The following GANC variants were observed in gnomAD, a reference collection of about 807,000 sequenced individuals.
GANC encodes glucosidase alpha, neutral C.
Under a neutral mutation model 124.2 loss-of-function variants are expected in GANC, and 117 were observed. The ratio of observed to expected loss-of-function variants is 0.94; its 90% CI spans 0.81 to 1.10. GANC has a LOEUF of 1.10. GANC is among the 50% of genes least tolerant of loss of function. The pLI, the probability that GANC is intolerant of heterozygous loss-of-function variation, is 0.00. For missense variants in GANC, 1,140 were observed against 1,095.0 expected (o/e 1.04, Z -0.58); for synonymous variants, 377 against 376.8 (o/e 1.00, Z -0.01).
Position 42,345,823 on chromosome 15 carries a change from C to T in GANC, c.2295C>T (p.Ala765=). Residue 765 remains alanine (A), a synonymous_variant, in exon 20 of 24, where the codon GCC becomes GCT. Coordinates refer to ENST00000318010, the MANE Select transcript of GANC (RefSeq NM_198141.3). ...EGGCTVKIPV[A]LDTIPVFQRG... ...GGTGTACTGTAAAGATCCCAGTAGC[C>T]TTGGACACTGTAAGTTATTTTCAGA... is the stretch of plus-strand genomic sequence containing the variant. The T allele has an allele frequency of 6.2e-7, 1 of 1,607,334 alleles. No individual in the cohort carries two copies. The highest frequency in any genetic ancestry group is 8.5e-7 in the Non-Finnish European group (1 of 1,174,112).
At chr15:42,327,729 T>C (rs572638490) in intron 13 of GANC, among the ~76,000 whole-genome samples, 1 of 152,328 alleles carries the variant, frequency 6.6e-6, no homozygotes, top group East Asian at 1.9e-4. Context: ...AATTGCTATA[T>C]ATATTTTATA....
At position 42,273,677 on chromosome 15, in the gene GANC, T is replaced by TA; in HGVS notation, c.-802dup. 8.8e-6 allele frequency: 4 copies of TA among 455,236 alleles called. No homozygotes were observed. The highest frequency in any genetic ancestry group is 1.6e-5 in the Non-Finnish European group (4 of 250,922). 28.2% of individuals were successfully genotyped at this position (455,236 alleles called of 1,614,324 possible). ...TGAGTCTTTTCTGTCTCCCAGCCGT[T>TA]AAAGGTTTTAGGACCAGGCAGGCAC... is the stretch of plus-strand genomic sequence containing the variant. On this transcript the variant is annotated 5_prime_UTR_variant, in exon 1 of 24. Coordinates refer to ENST00000318010, the MANE Select transcript of GANC (RefSeq NM_198141.3).
intron 19 of GANC, 152 bp downstream of exon 19, chr15:42,343,306 C>T: frequency 3.2e-6 from 2 of 631,356 alleles, no homozygotes; most frequent in South Asian, 2.1e-5. Flanking sequence ...CCACTGTCCT[C>T]AGAGGTCAAG....
intron 5 of GANC, among the ~76,000 whole-genome samples, chr15:42,293,176 T>A (rs4923940): frequency 0.65 from 98,231 of 152,186 alleles, 38,698 homozygotes; most frequent in Non-Finnish European, 0.86. Flanking sequence ...CTGCACACCC[T>A]TCTATAAAAG....
At chr15:42,340,560 C>T in intron 17 of GANC, 130 bp from the exon 18 acceptor site, 1 of 677,140 alleles carries the variant, frequency 1.5e-6, no homozygotes. Context: ...GCCAAGATAG[C>T]ACCACGGCAT....
chr15:42,298,338 G>A (rs2141032527), intron 6 of GANC, among the ~76,000 whole-genome samples: 1 of 152,282 alleles, frequency 6.6e-6, no homozygotes, highest in South Asian at 2.1e-4. Flanking sequence ...GCAGGGCAGT[G>A]CTGTGGAAAG....
chr15:42,348,186 C>T lies in GANC; in HGVS notation c.2388C>T (p.Ser796=), dbSNP rs369775863. ...GKSTGWMTES[S]YGLRVALSTK... ...CCACAGGCTGGATGACTGAATCCTC[C>T]TATGGACTCCGGGTTGCTCTAAGCA... Residue 796 remains serine, a synonymous_variant, in exon 21 of 24, where the codon TCC becomes TCT. Coordinates refer to ENST00000318010, the MANE Select transcript of GANC (RefSeq NM_198141.3). The T allele has an allele frequency of 1.7e-5, 28 of 1,612,204 alleles. No homozygotes were observed. The Middle Eastern group carries it at 4.9e-4, about 28-fold the overall frequency.
intron 3 of GANC, chr15:42,284,061 C>G (rs1466419469): frequency 8.6e-6 from 6 of 694,794 alleles, no homozygotes; most frequent in Admixed American, 4.0e-5. Context: ...GTAGAGGTGG[C>G]CACTCACTGT....
chr15:42,313,463 A>G (rs1416963149), intron 10 of GANC, among the ~76,000 whole-genome samples: 1 of 152,204 alleles, frequency 6.6e-6, no homozygotes, highest in African/African-American at 2.4e-5. Flanking sequence ...ATGGGAGAAA[A>G]TGTTTGCAGA....
intron 3 of GANC, chr15:42,284,242 G>A (rs1218006674): frequency 3.7e-6 from 2 of 545,320 alleles, no homozygotes; most frequent in Admixed American, 3.4e-5. Flanking sequence ...TTCTATTATG[G>A]TCTTTACTAA....
At chr15:42,338,312 C>A in intron 15 of GANC, 77 bp from the exon 16 acceptor site, 1 of 868,102 alleles carries the variant, frequency 1.2e-6, no homozygotes, top group Non-Finnish European at 1.8e-6. Context: ...TTGTCTTTTA[C>A]AAATAAGGAA....
At chr15:42,348,246 T>G in intron 21 of GANC, 30 bp downstream of exon 21, 1 of 1,388,976 alleles carries the variant, frequency 7.2e-7, no homozygotes, top group Non-Finnish European at 1.0e-6. Flanking sequence ...CTCATTTTGT[T>G]TCTACTCTTT....
rs1328968597 is a variant in GANC at position 42,352,213 on chromosome 15, A to AT, written c.*79dup. ...AACCTTTCCCCTCACCTTTTTTGAG[A>AT]TTTTTGCTGCAATCTGTTTGCCTTC... On this transcript the variant is annotated 3_prime_UTR_variant, in exon 24 of 24. Coordinates refer to ENST00000318010, the MANE Select transcript of GANC (RefSeq NM_198141.3). 7 of 1,582,276 alleles carry AT rather than the reference A, an allele frequency of 4.4e-6. No individual in the cohort carries two copies. The highest frequency in any genetic ancestry group is 2.3e-5 in the South Asian group (2 of 87,610).
At chr15:42,303,498 C>G (rs1007977680) in intron 6 of GANC, among the ~76,000 whole-genome samples, 1 of 152,188 alleles carries the variant, frequency 6.6e-6, no homozygotes, top group South Asian at 2.1e-4. Context: ...CAAATTCACA[C>G]ATAACATTAT....
rs370759059 is a variant in GANC at position 42,345,777 on chromosome 15, C to T, written c.2249C>T (p.Thr750Ile). 1.7e-5 allele frequency: 27 copies of T among 1,611,564 alleles called. No individual in the cohort carries two copies. Among genetic ancestry groups the T allele is most frequent in the Non-Finnish European group, 2.0e-5 (24 of 1,177,890 alleles). Residue 750 changes from threonine to isoleucine, a missense_variant, in exon 20 of 24, where the codon ACA becomes ATA. By Grantham distance (89) the Thr-to-Ile change is moderately conservative. Coordinates refer to ENST00000318010, the MANE Select transcript of GANC (RefSeq NM_198141.3). The part of the protein sequence containing the change: ...GSNEVWYDYK[T>I]FAHWEGGCTV... ...TTCTAGGTCTGGTATGACTATAAGA[C>T]ATTTGCTCATTGGGAAGGAGGGTGT...
intron 8 of GANC, among the ~76,000 whole-genome samples, chr15:42,309,322 ATT>A (rs765692224): frequency 2.8e-5 from 4 of 142,918 alleles, no homozygotes; most frequent in Admixed American, 7.0e-5. Flanking sequence ...GTTGGACACA[ATT>A]TTTTTTTTTT....
intron 7 of GANC, among the ~76,000 whole-genome samples, chr15:42,307,337 CTT>C (rs11437522): frequency 3.7e-5 from 5 of 135,020 alleles, no homozygotes; most frequent in Admixed American, 7.9e-5. Flanking sequence ...ATCTTTTTAT[CTT>C]TTTTTTTTTT....
chr15:42,278,526 T>A lies in GANC; in HGVS notation c.137T>A (p.Leu46Ter). The change falls in exon 3 of 24, where the codon TTA becomes TAA. Residue 46 changes from leucine (L) to a stop codon, truncating the protein, a stop_gained. Coordinates refer to ENST00000318010, the MANE Select transcript of GANC (RefSeq NM_198141.3). LOFTEE classifies it high-confidence loss of function. ...TCCAAGAAGTCCACCTATCAGGCATTATTGGATTCAGTCACAACAGATGAA... is the reference window on the plus strand; with the variant it reads ...TCCAAGAAGTCCACCTATCAGGCATAATTGGATTCAGTCACAACAGATGAA... ...WLSKKSTYQA[L>*]LDSVTTDEDS... The A allele has an allele frequency of 6.2e-7, 1 of 1,613,154 alleles. No individual in the cohort carries two copies. The highest frequency in any genetic ancestry group is 1.3e-5 in the African/African-American group (1 of 75,010).
At chr15:42,330,768 T>TA in intron 15 of GANC, 96 bp downstream of exon 15, 1 of 647,034 alleles carries the variant, frequency 1.5e-6, no homozygotes. Context: ...GCCTTCCTTT[T>TA]CCTTTTTTTT....
Sources: gnomAD v4.1 joint callset for allele counts (sites outside exome capture counted in the v4.1 genomes callset) on GRCh38, gnomAD v4.1.1 for gene constraint, MANE v1.5 for transcripts, NCBI Gene and HGNC (gene_info 2026-07-23, HGNC 2026-07-21) for gene names.